Variants in SAMD5 observed in about 807,000 individuals in gnomAD.
The protein encoded by SAMD5 is sterile alpha motif domain-containing protein 5.
A neutral mutation model predicts 11.3 loss-of-function variants in SAMD5; 13 were observed. The ratio of observed to expected loss-of-function variants is 1.15; its 90% CI spans 0.75 to 1.83. The LOEUF is 1.83. Ranked by LOEUF, SAMD5 falls within the 40% of genes most tolerant of loss-of-function variation. SAMD5 has a pLI of 0.00. For synonymous variants in SAMD5, 129 were observed against 111.3 expected (o/e 1.16, Z -1.00); for missense variants, 255 against 239.1 (o/e 1.07, Z -0.44).
intron 1 of SAMD5, among the ~76,000 whole-genome samples, chr6:147,525,621 A>C (rs1015278131): frequency 2.6e-5 from 4 of 152,082 alleles, no homozygotes; most frequent in Non-Finnish European, 4.4e-5. Context: ...AATCACAGTC[A>C]TCGGCCTTCT....
At chr6:147,610,196 G>A (rs1789761945) in intron 1 of SAMD5, among the ~76,000 whole-genome samples, 2 of 152,126 alleles carry the variant, frequency 1.3e-5, no homozygotes. Context: ...AAAAGTATTT[G>A]GGCTGGCTGA....
At chr6:147,716,074 GC>G (rs758749198) in intron 1 of SAMD5, among the ~76,000 whole-genome samples, 110 of 152,260 alleles carry the variant, frequency 7.2e-4, no homozygotes, top group Non-Finnish European at 1.4e-3. Flanking sequence ...TCAAGGACCT[GC>G]CCCCTTCCAC....
chr6:147,736,472 A>G (rs1456842959), intron 1 of SAMD5, among the ~76,000 whole-genome samples: 1 of 152,244 alleles, frequency 6.6e-6, no homozygotes, highest in Non-Finnish European at 1.5e-5. Context: ...GTACAATTAT[A>G]TATAACTTAT....
chr6:147,948,491 T>C, the SAMD5 span, among the ~76,000 whole-genome samples: 2 of 152,184 alleles, frequency 1.3e-5, no homozygotes, highest in Admixed American at 6.5e-5. Context: ...TCTTACGTTA[T>C]AGGTTCAGAT....
the SAMD5 span, among the ~76,000 whole-genome samples, chr6:147,899,116 A>T: frequency 3.0e-4 from 43 of 141,880 alleles, no homozygotes; most frequent in African/African-American, 1.1e-3. Flanking sequence ...GGTTGCAGTG[A>T]GCCAAGATCG....
intron 1 of SAMD5, among the ~76,000 whole-genome samples, chr6:147,704,787 A>G (rs141650949): frequency 2.2e-3 from 341 of 152,336 alleles, no homozygotes; most frequent in African/African-American, 7.2e-3. Context: ...GGAAATGTGC[A>G]GTGGTGCCAA....
chr6:147,812,295 G>C, the SAMD5 span, among the ~76,000 whole-genome samples: 1 of 151,992 alleles, frequency 6.6e-6, no homozygotes, highest in Non-Finnish European at 1.5e-5. Flanking sequence ...GAAGAGGCTC[G>C]GCAAATTCAC....
At chr6:147,788,507 T>C in the SAMD5 span, among the ~76,000 whole-genome samples, 1 of 152,262 alleles carries the variant, frequency 6.6e-6, no homozygotes, top group African/African-American at 2.4e-5. Context: ...CAAATATTTT[T>C]CTTTTTAAAT....
chr6:147,859,838 T>G, the SAMD5 span, among the ~76,000 whole-genome samples: 1 of 152,204 alleles, frequency 6.6e-6, no homozygotes, highest in Non-Finnish European at 1.5e-5. Flanking sequence ...TACTGGAATT[T>G]AGGGCAATTA....
At chr6:147,820,682 CAG>C in the SAMD5 span, among the ~76,000 whole-genome samples, 1 of 152,168 alleles carries the variant, frequency 6.6e-6, no homozygotes, top group Non-Finnish European at 1.5e-5. Flanking sequence ...AGTTGGGCGA[CAG>C]AGTGTTTGCT....
At chr6:147,626,951 T>C (rs1790064473) in intron 1 of SAMD5, among the ~76,000 whole-genome samples, 1 of 152,192 alleles carries the variant, frequency 6.6e-6, no homozygotes, top group South Asian at 2.1e-4. Flanking sequence ...TTCTTCTTCC[T>C]CCTCTTCTTT....
chr6:147,923,637 G>T, the SAMD5 span, among the ~76,000 whole-genome samples: 1 of 152,198 alleles, frequency 6.6e-6, no homozygotes, highest in South Asian at 2.1e-4. Context: ...ACCTACCCTG[G>T]ATGTAGAGCT....
At chr6:147,896,760 A>ACAAC in the SAMD5 span, among the ~76,000 whole-genome samples, 27 of 151,014 alleles carry the variant, frequency 1.8e-4, 3 homozygotes, top group South Asian at 5.5e-3. Flanking sequence ...AAAAAAAAAA[A>ACAAC]AAACGCATCA....
chr6:147,593,514 G>A (rs1016586043), intron 1 of SAMD5, among the ~76,000 whole-genome samples: 2 of 152,114 alleles, frequency 1.3e-5, no homozygotes, highest in African/African-American at 4.8e-5. Flanking sequence ...ATTCTTTATA[G>A]CGAATGTGTT....
chr6:147,687,330 T>G (rs1396726568), intron 1 of SAMD5, among the ~76,000 whole-genome samples: 1 of 142,956 alleles, frequency 7.0e-6, no homozygotes, highest in African/African-American at 2.6e-5. Context: ...TTACCCAGGC[T>G]GGAGTACAGT....
the SAMD5 span, among the ~76,000 whole-genome samples, chr6:147,791,827 A>G: frequency 6.6e-6 from 1 of 152,342 alleles, no homozygotes; most frequent in South Asian, 2.1e-4. Flanking sequence ...TAGCTGAGGA[A>G]GCCAGTCCGA....
the SAMD5 span, among the ~76,000 whole-genome samples, chr6:147,821,844 C>T: frequency 6.6e-6 from 1 of 152,126 alleles, no homozygotes; most frequent in African/African-American, 2.4e-5. Flanking sequence ...GTCCCCATTT[C>T]CAGCCCCGGA....
the SAMD5 span, among the ~76,000 whole-genome samples, chr6:147,878,586 G>GATATATCTCT: frequency 4.9e-5 from 7 of 143,656 alleles, no homozygotes; most frequent in Non-Finnish European, 1.1e-4. Context: ...TCTCTATATA[G>GATATATCTCT]ATATATATAC....
intron 1 of SAMD5, among the ~76,000 whole-genome samples, chr6:147,678,790 T>A (rs1233509168): frequency 6.6e-6 from 1 of 152,164 alleles, no homozygotes; most frequent in Non-Finnish European, 1.5e-5. Flanking sequence ...TCTCTTTTTT[T>A]AAAACACCTT....
Sources: gnomAD v4.1 joint callset for allele counts (sites outside exome capture counted in the v4.1 genomes callset) on GRCh38, gnomAD v4.1.1 for gene constraint, MANE v1.5 for transcripts, NCBI Gene and HGNC (gene_info 2026-07-23, HGNC 2026-07-21) for gene names.